NBPF14: variants seen among roughly 807,000 people sequenced by gnomAD.
The protein encoded by NBPF14 is NBPF member 14.
In NBPF14, 104 loss-of-function variants were observed where a neutral mutation model predicts 91.2. The ratio of observed to expected loss-of-function variants is 1.14; its 90% CI spans 0.97 to 1.34. NBPF14 has a LOEUF of 1.34. Ranked by LOEUF, NBPF14 falls within the 40% of genes most tolerant of loss-of-function variation. The pLI is 0.00. For synonymous variants in NBPF14, 294 were observed against 303.8 expected, an observed-to-expected ratio of 0.97 and a Z score of 0.34; for missense variants, 908 against 783.0, an observed-to-expected ratio of 1.16 and a Z score of -1.91.
exon 37 of NBPF14, chr1:148,559,802 C>T: frequency 2.0e-6 from 3 of 1,519,158 alleles, no homozygotes; most frequent in Admixed American, 1.8e-5. Flanking sequence ...CCATCCATGT[C>T]AACAGCCAAG....
At chr1:148,533,873 G>A in exon 70 of NBPF14, 1 of 763,838 alleles carries the variant, frequency 1.3e-6, no homozygotes, top group Non-Finnish European at 2.4e-6. Context: ...GGGGCATGGT[G>A]GGTTTTGATC....
intron 67 of NBPF14, among the ~76,000 whole-genome samples, 199 bp downstream of exon 67, chr1:148,536,025 G>C (rs1332707378): frequency 1.1e-3 from 163 of 149,382 alleles, no homozygotes; most frequent in East Asian, 6.7e-3. Context: ...CCTGAGACTA[G>C]GAAGAGAGCC....
intron 34 of NBPF14, among the ~76,000 whole-genome samples, chr1:148,561,819 A>T (rs1439934655): frequency 2.0e-4 from 21 of 105,718 alleles, no homozygotes; most frequent in South Asian, 8.3e-4. Flanking sequence ...ACACACACAC[A>T]GAGAGAGAGA....
chr1:148,595,306 T>C (rs1663136249), intron 2 of NBPF14, among the ~76,000 whole-genome samples: 1 of 148,228 alleles, frequency 6.7e-6, no homozygotes, highest in South Asian at 2.2e-4. Flanking sequence ...GCGTTAGAAA[T>C]CAATAACTGT....
At chr1:148,592,640 C>T (rs1452838280) in exon 4 of NBPF14, 2 of 1,587,668 alleles carry the variant, frequency 1.3e-6, no homozygotes, top group African/African-American at 1.4e-5. Flanking sequence ...ACTTGTCCGG[C>T]TCATACGGAG....
chr1:148,585,599 C>A (rs1382161531), intron 9 of NBPF14, among the ~76,000 whole-genome samples: 2 of 149,648 alleles, frequency 1.3e-5, no homozygotes, highest in African/African-American at 4.9e-5. Context: ...AGCAGACAAA[C>A]TTGTCCCACA....
Position 148,593,474 on chromosome 1 carries a change from G to C in NBPF14, c.278+124C>G, listed in dbSNP as rs1662831614. On this transcript the variant is annotated intron_variant, in intron 3 of 70. Coordinates refer to ENST00000619423, the Ensembl canonical transcript of NBPF14. ...TCTGATAAATATTTTTGTGTCATGA[G>C]CCTGCCATGGCAATTTCTGCCCTTC... is the stretch of plus-strand genomic sequence containing the variant. 6.1e-6 allele frequency: 4 copies of C among 656,262 alleles called. No homozygotes were observed. In the Admixed American group the frequency reaches 7.2e-5, roughly 12 times the overall value. 40.7% of individuals were successfully genotyped at this position (656,262 alleles called of 1,614,324 possible). A position where few individuals can be genotyped will look rare whatever the true frequency, so the allele number is the denominator to read the frequency against.
At position 148,534,667 on chromosome 1, in the gene NBPF14, C is replaced by T; in HGVS notation, c.8614+17G>A. 1 of 806,642 alleles carries T rather than the reference C, an allele frequency of 1.2e-6. No individual in the cohort carries two copies. Among genetic ancestry groups the T allele is most frequent in the Non-Finnish European group, 2.2e-6 (1 of 450,286 alleles). 50.0% of individuals were successfully genotyped at this position (806,642 alleles called of 1,614,324 possible). A position where few individuals can be genotyped will look rare whatever the true frequency, so the allele number is the denominator to read the frequency against. On this transcript the variant is annotated intron_variant, in intron 69 of 70. Transcript: ENST00000619423. ...AGACCAGGTGGAGGCTTATCACCTT[C>T]ATAGTAAGGTACTCACTGTCCACGT...
At chr1:148,559,757 A>C in intron 37 of NBPF14, 36 bp downstream of exon 37, 1 of 1,195,126 alleles carries the variant, frequency 8.4e-7, no homozygotes, top group South Asian at 1.3e-5. Context: ...CAGAAGACTC[A>C]GTGGATCCTT....
chr1:148,566,535 ACACACAAAC>A (rs1658392919), intron 28 of NBPF14, among the ~76,000 whole-genome samples: 1 of 121,928 alleles, frequency 8.2e-6, no homozygotes, highest in Non-Finnish European at 1.9e-5. Context: ...ACACACACAC[ACACACAAAC>A]ACACACACAC....
chr1:148,566,375 A>G lies in NBPF14; in HGVS notation c.3543-60T>C, dbSNP rs1384361883. On this transcript the variant is annotated intron_variant, in intron 28 of 70. Coordinates refer to ENST00000619423, the Ensembl canonical transcript of NBPF14. ...GGGAAATCAGACACAACAGAGCCTC[A>G]ACTAGGTTTCATGGGTAGCATAGGG... The G allele has an allele frequency of 1.1e-4, 81 of 745,650 alleles. 6 individuals carry two copies. Among genetic ancestry groups the G allele is most frequent in the Non-Finnish European group, 1.8e-4 (75 of 408,052 alleles). The allele number at this position is 745,650 out of a possible 1,614,324, so 46.2% of individuals were successfully genotyped here.
chr1:148,593,286 G>A (rs1465302219), intron 3 of NBPF14, among the ~76,000 whole-genome samples: 34 of 148,862 alleles, frequency 2.3e-4, no homozygotes, highest in African/African-American at 7.3e-4. Context: ...GTGGGGTGGC[G>A]ATAGCACACC....
intron 12 of NBPF14, among the ~76,000 whole-genome samples, chr1:148,579,899 T>C (rs2149547507): frequency 6.6e-6 from 1 of 152,194 alleles, no homozygotes; most frequent in South Asian, 2.1e-4. Flanking sequence ...AGGAATAGCA[T>C]CAACATCAAC....
chr1:148,590,148 A>G (rs1662237599), intron 6 of NBPF14, among the ~76,000 whole-genome samples: 1 of 133,016 alleles, frequency 7.5e-6, no homozygotes, highest in Non-Finnish European at 1.6e-5. Flanking sequence ...TCCTGGGTTC[A>G]TGCCAATTCT....
At chr1:148,577,464 A>G in intron 14 of NBPF14, 109 bp from the exon 15 acceptor site, 1 of 695,626 alleles carries the variant, frequency 1.4e-6, no homozygotes, top group Non-Finnish European at 2.6e-6. Context: ...GAAAAAGGAC[A>G]GATCCATTAA....
At chr1:148,565,745 A>C (rs1274135771) in intron 29 of NBPF14, among the ~76,000 whole-genome samples, 4 of 10,362 alleles carry the variant, frequency 3.9e-4, no homozygotes, top group Non-Finnish European at 3.9e-4. Context: ...TCTAGGAGAA[A>C]AACTGCAATA....
At chr1:148,586,321 C>T (rs1433438794) in exon 9 of NBPF14, 1 of 679,558 alleles carries the variant, frequency 1.5e-6, no homozygotes, top group African/African-American at 1.8e-5. Flanking sequence ...TCTTGGAGGT[C>T]CTGCCCCTGG....
intron 8 of NBPF14, among the ~76,000 whole-genome samples, 153 bp downstream of exon 8, chr1:148,587,148 C>A (rs1389710863): frequency 1.3e-5 from 2 of 148,772 alleles, no homozygotes; most frequent in African/African-American, 4.9e-5. Flanking sequence ...TACTATCCTT[C>A]TTCTCTGATA....
intron 39 of NBPF14, among the ~76,000 whole-genome samples, chr1:148,557,936 G>A (rs1416807573): frequency 1.9e-5 from 1 of 53,980 alleles, no homozygotes; most frequent in African/African-American, 1.3e-4. Context: ...TTAGAATGAA[G>A]GAGGAAATCT....
Sources: allele counts gnomAD v4.1 joint callset (sites outside exome capture counted in the v4.1 genomes callset), GRCh38; gene constraint gnomAD v4.1.1; transcripts MANE v1.5; gene names NCBI Gene and HGNC (gene_info 2026-07-23, HGNC 2026-07-21).